Variants in PLCB4 observed in about 807,000 individuals in gnomAD.
PLCB4 encodes the protein 1-phosphatidylinositol 4,5-bisphosphate phosphodiesterase beta-4.
In PLCB4, 77 loss-of-function variants were observed where a neutral mutation model predicts 178.8. The ratio of observed to expected loss-of-function variants is 0.43; its 90% CI spans 0.36 to 0.52. The LOEUF (loss-of-function observed/expected upper bound fraction) is 0.52, where lower values mean the gene tolerates loss of function less well. PLCB4 is among the 20% of genes least tolerant of loss of function. The pLI, the probability that PLCB4 is intolerant of heterozygous loss-of-function variation, is 0.00. For missense variants in PLCB4, 1,024 were observed against 1,453.4 expected, an observed-to-expected ratio of 0.70 and a Z score of 4.80; for synonymous variants, 496 against 490.8, an observed-to-expected ratio of 1.01 and a Z score of -0.14.
intron 32 of PLCB4, among the ~76,000 whole-genome samples, chr20:9,447,975 G>A (rs1026879954): frequency 3.9e-5 from 6 of 152,128 alleles, no homozygotes; most frequent in African/African-American, 1.4e-4. Context: ...AGAGCTGGAG[G>A]CTTTACAAAA....
intron 2 of PLCB4, among the ~76,000 whole-genome samples, chr20:9,107,117 GTTGTGTGTTTAT>G (rs2091394873): frequency 2.0e-5 from 3 of 152,140 alleles, no homozygotes; most frequent in Admixed American, 6.5e-5. Context: ...CCTTCGATTA[GTTGTGTGTTTAT>G]TTGTGTGGGA....
rs59964769 is a variant in PLCB4, at chr20:9,136,696, A to G, written c.-79+40354A>G. The stretch of plus-strand genomic sequence containing the variant: ...ATGGGTGTAAGTGCATATTCTACAC[A>G]CAGTCGATTCCAATATGACAAACAC... On this transcript the variant is annotated intron_variant, in intron 2 of 39. Coordinates refer to ENST00000378473, the MANE Select transcript of PLCB4 (RefSeq NM_001377142.1). 5.6e-3 allele frequency among the ~76,000 whole-genome samples: 847 copies of G among 152,250 alleles called. 6 individuals are homozygous for G. The highest frequency in any genetic ancestry group is 0.019 in the African/African-American group (805 of 41,554).
At chr20:9,234,569 T>C (rs2093971877) in intron 3 of PLCB4, among the ~76,000 whole-genome samples, 1 of 152,138 alleles carries the variant, frequency 6.6e-6, no homozygotes, top group Admixed American at 6.6e-5. Context: ...GAGTAGTTCA[T>C]TGGGTCAAAT....
At chr20:9,462,293 C>T (rs965904072) in intron 35 of PLCB4, among the ~76,000 whole-genome samples, 1 of 152,186 alleles carries the variant, frequency 6.6e-6, no homozygotes, top group African/African-American at 2.4e-5. Flanking sequence ...GTAGATAAAA[C>T]CGCAAAGATG....
chr20:9,088,402 C>T (rs1157366954), intron 1 of PLCB4, among the ~76,000 whole-genome samples: 2 of 152,058 alleles, frequency 1.3e-5, no homozygotes, highest in Non-Finnish European at 2.9e-5. Context: ...AAAATTGAAA[C>T]AATATTCCCT....
At chr20:9,403,912 C>T (rs946652886) in intron 20 of PLCB4, among the ~76,000 whole-genome samples, 3 of 152,254 alleles carry the variant, frequency 2.0e-5, no homozygotes, top group South Asian at 2.1e-4. Context: ...GCATGGAGGT[C>T]GTTGGCAACC....
intron 15 of PLCB4, among the ~76,000 whole-genome samples, chr20:9,388,097 G>A (rs1007829454): frequency 6.6e-6 from 1 of 152,142 alleles, no homozygotes; most frequent in East Asian, 1.9e-4. Context: ...AATTAGCTGG[G>A]CATGGTGGCA....
intron 17 of PLCB4, 112 bp from the exon 18 acceptor site, chr20:9,393,476 T>A: frequency 1.5e-6 from 1 of 655,058 alleles, no homozygotes; most frequent in Non-Finnish European, 2.7e-6. Flanking sequence ...GCCTGCCATC[T>A]AGTGGGTGTT....
At chr20:9,159,291 A>T (rs1457329174) in intron 2 of PLCB4, among the ~76,000 whole-genome samples, 2 of 152,202 alleles carry the variant, frequency 1.3e-5, no homozygotes, top group Non-Finnish European at 2.9e-5. Context: ...TTGAAACATC[A>T]GAGAGCTTTA....
chr20:9,090,553 G>A (rs1034975372), intron 1 of PLCB4, among the ~76,000 whole-genome samples: 1 of 149,500 alleles, frequency 6.7e-6, no homozygotes, highest in African/African-American at 2.5e-5. Flanking sequence ...TAGCTTCCGT[G>A]GTAGAAGTGA....
chr20:9,426,522 C>T (rs976778264), intron 28 of PLCB4, among the ~76,000 whole-genome samples: 2 of 152,046 alleles, frequency 1.3e-5, no homozygotes, highest in Admixed American at 6.6e-5. Context: ...GAACTACAGG[C>T]GTGCACCACT....
chr20:9,173,854 C>T (rs2147054078), intron 2 of PLCB4, among the ~76,000 whole-genome samples: 1 of 152,286 alleles, frequency 6.6e-6, no homozygotes. Flanking sequence ...CCCAAATTCA[C>T]TTCCCCACTT....
At chr20:9,127,652 A>G (rs995536659) in intron 2 of PLCB4, among the ~76,000 whole-genome samples, 2 of 112,556 alleles carry the variant, frequency 1.8e-5, no homozygotes, top group Non-Finnish European at 4.3e-5. Flanking sequence ...CTATCTATCT[A>G]TCTATCTATC....
At chr20:9,139,793 A>G (rs555966300) in intron 2 of PLCB4, among the ~76,000 whole-genome samples, 20 of 152,168 alleles carry the variant, frequency 1.3e-4, no homozygotes, top group Admixed American at 3.9e-4. Context: ...AGTGTTCGTC[A>G]TGAATTGCCT....
intron 3 of PLCB4, among the ~76,000 whole-genome samples, chr20:9,238,394 G>A (rs1440339858): frequency 2.0e-5 from 3 of 152,154 alleles, no homozygotes; most frequent in Non-Finnish European, 4.4e-5. Flanking sequence ...TGTGGAGGAG[G>A]AAGTGGAGTT....
chr20:9,310,667 A>T (rs1348633110), intron 4 of PLCB4, among the ~76,000 whole-genome samples: 6 of 152,102 alleles, frequency 3.9e-5, no homozygotes, highest in African/African-American at 1.4e-4. Flanking sequence ...AGCCAAGATC[A>T]CGCCCCCACA....
chr20:9,382,363 T>C (rs2037216339), intron 13 of PLCB4, among the ~76,000 whole-genome samples: 1 of 152,172 alleles, frequency 6.6e-6, no homozygotes, highest in African/African-American at 2.4e-5. Context: ...AGTAAACCTT[T>C]TAAAACCAAA....
chr20:9,297,160 C>G (rs562292173), intron 3 of PLCB4, among the ~76,000 whole-genome samples: 128 of 151,956 alleles, frequency 8.4e-4, no homozygotes, highest in Middle Eastern at 3.4e-3. Context: ...AGCCCGCACC[C>G]CCCCCCACAC....
At chr20:9,227,836 A>G (rs1225750425) in intron 3 of PLCB4, among the ~76,000 whole-genome samples, 1 of 152,140 alleles carries the variant, frequency 6.6e-6, no homozygotes, top group Non-Finnish European at 1.5e-5. Flanking sequence ...TTTATTTTAT[A>G]AATAAAAATG....
Sources: gnomAD v4.1 joint callset for allele counts (sites outside exome capture counted in the v4.1 genomes callset) on GRCh38, gnomAD v4.1.1 for gene constraint, MANE v1.5 for transcripts, NCBI Gene and HGNC (gene_info 2026-07-23, HGNC 2026-07-21) for gene names.